PPP6R3: variants seen among roughly 807,000 people sequenced by gnomAD.
The protein encoded by PPP6R3 is serine/threonine-protein phosphatase 6 regulatory subunit 3.
A neutral mutation model predicts 110.7 loss-of-function variants in PPP6R3; 38 were observed. That is an observed-to-expected ratio of 0.34 (90% CI 0.26 to 0.45). The LOEUF is 0.45. Among genes scored for constraint, PPP6R3 ranks in the 20% least tolerant of loss-of-function variants. The probability of loss-of-function intolerance (pLI) is 1.00; values close to 1 mark genes in which losing one functional copy is unlikely to be tolerated. For synonymous variants in PPP6R3, 369 were observed against 373.5 expected, an observed-to-expected ratio of 0.99 and a Z score of 0.14; for missense variants, 870 against 1,062.4, an observed-to-expected ratio of 0.82 and a Z score of 2.52.
chr11:68,461,715 C>G (rs547548665), intron 1 of PPP6R3, among the ~76,000 whole-genome samples: 1 of 152,244 alleles, frequency 6.6e-6, no homozygotes, highest in African/African-American at 2.4e-5. Context: ...TTCACGTTTT[C>G]TCTGTGGGGC....
intron 18 of PPP6R3, among the ~76,000 whole-genome samples, chr11:68,593,613 A>G (rs1295493498): frequency 6.6e-6 from 1 of 152,254 alleles, no homozygotes; most frequent in Admixed American, 6.5e-5. Context: ...TACAAAAGAA[A>G]GCAGAAAAAG....
At chr11:68,490,956 G>A (rs1243214438) in intron 1 of PPP6R3, among the ~76,000 whole-genome samples, 1 of 152,128 alleles carries the variant, frequency 6.6e-6, no homozygotes, top group Non-Finnish European at 1.5e-5. Flanking sequence ...GGAGGCTGAG[G>A]CAGGCAGGTT....
chr11:68,468,929 G>A (rs2098769011), intron 1 of PPP6R3, among the ~76,000 whole-genome samples: 1 of 152,116 alleles, frequency 6.6e-6, no homozygotes, highest in African/African-American at 2.4e-5. Context: ...ATTTTATATA[G>A]AATCATTTTT....
chr11:68,466,928 A>G (rs2098752054), intron 1 of PPP6R3, among the ~76,000 whole-genome samples: 1 of 141,842 alleles, frequency 7.1e-6, no homozygotes, highest in South Asian at 2.2e-4. Context: ...TTGTATTTTT[A>G]GTAGAGACGG....
At chr11:68,611,202 C>T (rs952094674) in intron 23 of PPP6R3, among the ~76,000 whole-genome samples, 2 of 152,054 alleles carry the variant, frequency 1.3e-5, no homozygotes, top group African/African-American at 4.8e-5. Context: ...TTTAATGGTC[C>T]TTTATAGGTC....
chr11:68,494,769 G>A (rs2099006041), intron 1 of PPP6R3, among the ~76,000 whole-genome samples: 1 of 152,000 alleles, frequency 6.6e-6, no homozygotes, highest in Non-Finnish European at 1.5e-5. Flanking sequence ...TTTAATCTCT[G>A]TACTTCATGT....
intron 1 of PPP6R3, among the ~76,000 whole-genome samples, chr11:68,496,942 A>G (rs968644798): frequency 3.4e-5 from 5 of 147,944 alleles, no homozygotes; most frequent in Non-Finnish European, 7.4e-5. Context: ...GCTCACTGCA[A>G]ACTCCGCCTC....
intron 18 of PPP6R3, among the ~76,000 whole-genome samples, chr11:68,592,681 A>G (rs2099599161): frequency 6.6e-6 from 1 of 152,170 alleles, no homozygotes; most frequent in Admixed American, 6.5e-5. Flanking sequence ...ATGTTGAGTT[A>G]TCTCCTATGA....
Position 68,568,954 on chromosome 11 carries a change from C to T in PPP6R3, c.1129-794C>T, listed in dbSNP as rs180899001. On this transcript the variant is annotated intron_variant, in intron 10 of 23. Transcript: ENST00000393800. Reference sequence around the variant, plus strand: ...GATTTTTTTGTATTTTTAGTAGAGACGGGGTTTCACCGTGTTAGGATGGTC... The same window carrying T: ...GATTTTTTTGTATTTTTAGTAGAGATGGGGTTTCACCGTGTTAGGATGGTC... Among the ~76,000 whole-genome samples, 833 of 152,114 alleles carry T rather than the reference C, an allele frequency of 5.5e-3. 4 individuals are homozygous for T. The highest frequency in any genetic ancestry group is 9.2e-3 in the Non-Finnish European group (628 of 67,992).
chr11:68,464,456 C>T (rs2098731799), intron 1 of PPP6R3, among the ~76,000 whole-genome samples: 1 of 152,112 alleles, frequency 6.6e-6, no homozygotes, highest in Admixed American at 6.6e-5. Context: ...AGAAGCTTCT[C>T]AGACAATACT....
At chr11:68,563,862 T>G (rs1308461323) in intron 8 of PPP6R3, among the ~76,000 whole-genome samples, 1 of 152,168 alleles carries the variant, frequency 6.6e-6, no homozygotes, top group Non-Finnish European at 1.5e-5. Flanking sequence ...TTTAAACCTT[T>G]TAAATAGGAA....
intron 20 of PPP6R3, among the ~76,000 whole-genome samples, chr11:68,601,529 T>C (rs1330309280): frequency 6.6e-6 from 1 of 152,232 alleles, no homozygotes; most frequent in Non-Finnish European, 1.5e-5. Context: ...CATTGCACAA[T>C]GTACGTCTTT....
At chr11:68,514,173 T>C (rs2099124339) in intron 1 of PPP6R3, among the ~76,000 whole-genome samples, 1 of 152,100 alleles carries the variant, frequency 6.6e-6, no homozygotes, top group Non-Finnish European at 1.5e-5. Context: ...TAAGTGACCC[T>C]CCTGCCTTAG....
At chr11:68,550,823 A>G (rs112840769) in intron 5 of PPP6R3, among the ~76,000 whole-genome samples, 85 of 152,318 alleles carry the variant, frequency 5.6e-4, no homozygotes, top group African/African-American at 1.9e-3. Flanking sequence ...CTAACCTACA[A>G]ACCCTTTTAG....
At chr11:68,560,815 C>T (rs55953412) in intron 8 of PPP6R3, among the ~76,000 whole-genome samples, 34,941 of 151,294 alleles carry the variant, frequency 0.23, 4,266 homozygotes, top group Middle Eastern at 0.32. Context: ...GCTCAAGTCT[C>T]GTATAAATGG....
intron 18 of PPP6R3, among the ~76,000 whole-genome samples, chr11:68,595,371 A>G (rs1472794086): frequency 1.3e-5 from 2 of 151,792 alleles, no homozygotes; most frequent in African/African-American, 2.4e-5. Flanking sequence ...GCCCGCCACC[A>G]CACCCAGCTA....
intron 1 of PPP6R3, among the ~76,000 whole-genome samples, chr11:68,500,042 A>C (rs1203517507): frequency 2.0e-5 from 3 of 152,128 alleles, no homozygotes; most frequent in African/African-American, 7.2e-5. Flanking sequence ...AATTTTGTCC[A>C]TTATATTTTG....
chr11:68,588,297 G>A (rs2099585064), intron 16 of PPP6R3, among the ~76,000 whole-genome samples: 1 of 151,984 alleles, frequency 6.6e-6, no homozygotes, highest in African/African-American at 2.4e-5. Context: ...TCAGGAGTTC[G>A]AGACCAGCCT....
chr11:68,504,539 A>C (rs2099065304), intron 1 of PPP6R3, among the ~76,000 whole-genome samples: 1 of 152,200 alleles, frequency 6.6e-6, no homozygotes, highest in Admixed American at 6.5e-5. Flanking sequence ...TTTATGGATG[A>C]ATGCACACTT....
Sources: gnomAD v4.1 joint callset for allele counts (sites outside exome capture counted in the v4.1 genomes callset) on GRCh38, gnomAD v4.1.1 for gene constraint, MANE v1.5 for transcripts, NCBI Gene and HGNC (gene_info 2026-07-23, HGNC 2026-07-21) for gene names.